Variants in SCN11A observed in about 807,000 individuals in gnomAD.
The protein encoded by SCN11A is sodium voltage-gated channel alpha subunit 11.
Under a neutral mutation model 162.2 loss-of-function variants are expected in SCN11A, and 122 were observed. The observed-to-expected ratio is 0.75, with a 90% confidence interval of 0.65 to 0.87. The LOEUF is 0.87. Ranked by LOEUF, SCN11A falls within the 40% of genes least tolerant of loss-of-function variation. The pLI is 0.00. For synonymous variants in SCN11A, 758 were observed against 751.5 expected (o/e 1.01, Z -0.14); for missense variants, 2,015 against 2,181.6 (o/e 0.92, Z 1.52).
At chr3:38,983,301 A>T (rs1374935593) in intron 2 of SCN11A, among the ~76,000 whole-genome samples, 1 of 152,090 alleles carries the variant, frequency 6.6e-6, no homozygotes, top group East Asian at 1.9e-4. Flanking sequence ...CAATATTCAG[A>T]CCTAGGCAAA....
chr3:38,904,024 G>C lies in SCN11A; in HGVS notation c.1683C>G (p.Pro561=). ...ASKYLVWNCC[P]QWLCVKKVLR... ...GGACCTTCTTAACGCACAGCCACTG[G>C]GGGCAACAGTTCCACACGAGGTACT... The change falls in exon 16 of 30, where the codon CCC becomes CCG. Residue 561 remains proline (P), a synonymous_variant. Transcript: ENST00000302328. 1 of 1,611,684 alleles carries C rather than the reference G, an allele frequency of 6.2e-7. No homozygotes were observed. Among genetic ancestry groups the C allele is most frequent in the Non-Finnish European group, 8.5e-7 (1 of 1,179,424 alleles).
chr3:38,968,960 C>G (rs1192335797), intron 2 of SCN11A, among the ~76,000 whole-genome samples: 1 of 152,176 alleles, frequency 6.6e-6, no homozygotes, highest in Non-Finnish European at 1.5e-5. Context: ...GCTACCATGT[C>G]CCTACCCCAC....
chr3:39,022,737 C>T (rs928354457), intron 2 of SCN11A, among the ~76,000 whole-genome samples: 1 of 151,960 alleles, frequency 6.6e-6, no homozygotes, highest in Middle Eastern at 3.2e-3. Context: ...TACAATAAGC[C>T]AGGCACGGTG....
intron 2 of SCN11A, among the ~76,000 whole-genome samples, chr3:38,975,739 T>C (rs2066845847): frequency 6.6e-6 from 1 of 152,174 alleles, no homozygotes; most frequent in African/African-American, 2.4e-5. Context: ...CACAAAAAGA[T>C]AGATATTATA....
chr3:38,879,925 T>A, intron 23 of SCN11A, 25 bp downstream of exon 23: 1 of 1,603,866 alleles, frequency 6.2e-7, no homozygotes, highest in Non-Finnish European at 8.5e-7. Context: ...CCAGCCTGTG[T>A]GGGACACAGA....
At chr3:38,909,254 C>T in intron 12 of SCN11A, 60 bp from the exon 13 acceptor site, 3 of 1,545,184 alleles carry the variant, frequency 1.9e-6, no homozygotes, top group Non-Finnish European at 8.9e-7. Context: ...AAGTGACCAT[C>T]ACCTCAAGCA....
chr3:38,938,546 ATAT>A (rs2066387493), intron 7 of SCN11A, among the ~76,000 whole-genome samples: 2 of 19,420 alleles, frequency 1.0e-4, no homozygotes, highest in East Asian at 1.4e-3. Flanking sequence ...ATATATATAT[ATAT>A]ATTTTTTTTT....
chr3:38,861,993 G>C (rs2064971531), intron 28 of SCN11A, among the ~76,000 whole-genome samples: 1 of 152,018 alleles, frequency 6.6e-6, no homozygotes. Context: ...CTATGCATCT[G>C]ACAAAAGACT....
intron 2 of SCN11A, among the ~76,000 whole-genome samples, chr3:39,023,533 C>A (rs2031507910): frequency 6.6e-6 from 1 of 151,942 alleles, no homozygotes; most frequent in South Asian, 2.1e-4. Flanking sequence ...AAAAAATACC[C>A]TTTTCTCTTT....
chr3:39,000,502 G>A (rs1294170409), intron 2 of SCN11A, among the ~76,000 whole-genome samples: 3 of 152,068 alleles, frequency 2.0e-5, no homozygotes, highest in African/African-American at 7.2e-5. Flanking sequence ...CCCTCTAGAA[G>A]GGCGTTCTCA....
intron 1 of SCN11A, among the ~76,000 whole-genome samples, chr3:39,043,883 C>T (rs984022020): frequency 6.6e-6 from 1 of 152,020 alleles, no homozygotes; most frequent in Non-Finnish European, 1.5e-5. Flanking sequence ...AGGATAAATG[C>T]TTGAGGAGAT....
intron 2 of SCN11A, among the ~76,000 whole-genome samples, chr3:39,011,380 A>G (rs1168330442): frequency 6.6e-6 from 1 of 152,218 alleles, no homozygotes; most frequent in African/African-American, 2.4e-5. Context: ...GGGTCAGCAG[A>G]AAGGAATGTT....
chr3:39,021,961 G>A (rs978309936), intron 2 of SCN11A, among the ~76,000 whole-genome samples: 2 of 152,168 alleles, frequency 1.3e-5, no homozygotes, highest in Non-Finnish European at 2.9e-5. Context: ...GACTAACCAT[G>A]ATTAGGCTTT....
chr3:38,997,778 T>C (rs2030689071), intron 2 of SCN11A, among the ~76,000 whole-genome samples: 2 of 152,248 alleles, frequency 1.3e-5, no homozygotes, highest in African/African-American at 4.8e-5. Context: ...TCTCCAAAGA[T>C]TCAGAAAGGA....
Position 39,051,925 on chromosome 3 carries a change from C to T in SCN11A, c.-468G>A. 6.9e-7 allele frequency: 1 copy of T among 1,457,098 alleles called. No homozygotes were observed. The allele number at this position is 1,457,098 out of a possible 1,614,324, so 90.3% of individuals were successfully genotyped here. A position where few individuals can be genotyped will look rare whatever the true frequency, so the allele number is the denominator to read the frequency against. On this transcript the variant is annotated 5_prime_UTR_variant, in exon 1 of 30. Coordinates refer to ENST00000302328, the MANE Select transcript of SCN11A (RefSeq NM_001349253.2). ...CCGAGGAAACACAACAGCCTGTTTA[C>T]CTTCAGCCCCGCCACTAACCCTTGG... is the stretch of plus-strand genomic sequence containing the variant.
At chr3:38,877,196 CTATATATATGG>C (rs1426217574) in intron 23 of SCN11A, among the ~76,000 whole-genome samples, 3 of 52,978 alleles carry the variant, frequency 5.7e-5, no homozygotes, top group African/African-American at 3.1e-4. Flanking sequence ...GGTGTATATA[CTATATATATGG>C]TATATATATG....
At chr3:38,987,177 T>A (rs2030276953) in intron 2 of SCN11A, among the ~76,000 whole-genome samples, 1 of 151,820 alleles carries the variant, frequency 6.6e-6, no homozygotes, top group Non-Finnish European at 1.5e-5. Context: ...CATTCATCCA[T>A]CTCTCCTCTT....
chr3:39,001,863 T>A (rs1185722266), intron 2 of SCN11A, among the ~76,000 whole-genome samples: 2 of 151,828 alleles, frequency 1.3e-5, no homozygotes, highest in African/African-American at 4.8e-5. Context: ...TGAAACCCCG[T>A]CTCTACTAAA....
intron 11 of SCN11A, among the ~76,000 whole-genome samples, chr3:38,918,641 G>GT (rs2065998419): frequency 6.6e-6 from 1 of 152,324 alleles, no homozygotes; most frequent in African/African-American, 2.4e-5. Context: ...ATGGAAGACA[G>GT]TTTTTCTTTC....
Sources: allele counts gnomAD v4.1 joint callset (sites outside exome capture counted in the v4.1 genomes callset), GRCh38; gene constraint gnomAD v4.1.1; transcripts MANE v1.5; gene names NCBI Gene and HGNC (gene_info 2026-07-23, HGNC 2026-07-21).